Variants in ZFPM1 observed in about 807,000 individuals in gnomAD.
ZFPM1 encodes zinc finger protein, FOG family member 1.
Under a neutral mutation model 46.3 loss-of-function variants are expected in ZFPM1, and 28 were observed. The ratio of observed to expected loss-of-function variants is 0.60; its 90% CI spans 0.45 to 0.83. The LOEUF (loss-of-function observed/expected upper bound fraction) is 0.83, where lower values mean the gene tolerates loss of function less well. Among genes scored for constraint, ZFPM1 ranks in the 40% least tolerant of loss-of-function variants. ZFPM1 has a pLI of 0.00. For synonymous variants in ZFPM1, 957 were observed against 675.9 expected, an observed-to-expected ratio of 1.42 and a Z score of -6.45; for missense variants, 1,878 against 1,432.4, an observed-to-expected ratio of 1.31 and a Z score of -5.02.
At chr16:88,460,046 G>T (rs1029151499) in intron 1 of ZFPM1, among the ~76,000 whole-genome samples, 6 of 151,772 alleles carry the variant, frequency 4.0e-5, no homozygotes, top group African/African-American at 1.5e-4. Context: ...TCCCTCCAGC[G>T]CATCCCGACT....
chr16:88,534,918 C>T lies in ZFPM1; in HGVS notation c.2960C>T (p.Ser987Phe), dbSNP rs1444986795. The change falls in exon 10 of 10, where the codon TCC (serine) becomes TTC (phenylalanine). Residue 987 changes from serine to phenylalanine, a missense_variant. Ser to Phe is a radical substitution (Grantham distance 155, BLOSUM62 -2). Coordinates refer to ENST00000319555, the MANE Select transcript of ZFPM1 (RefSeq NM_153813.3). ...RLCNIKFSSL[S>F]TFIAHKKYYC... ...TGCAACATCAAGTTCAGCAGCCTGTCCACCTTCATCGCCCACAAGAAGTAT... is the reference window on the plus strand; with the variant it reads ...TGCAACATCAAGTTCAGCAGCCTGTTCACCTTCATCGCCCACAAGAAGTAT... 1.3e-6 allele frequency: 2 copies of T among 1,553,466 alleles called. No individual in the cohort carries two copies. Among genetic ancestry groups the T allele is most frequent in the Admixed American group, 1.9e-5 (1 of 52,604 alleles).
intron 1 of ZFPM1, among the ~76,000 whole-genome samples, chr16:88,485,074 C>T (rs138958592): frequency 9.2e-5 from 14 of 152,320 alleles, no homozygotes; most frequent in Non-Finnish European, 1.9e-4. Context: ...CCAGGGAGTT[C>T]CCAGACCGAG....
At chr16:88,463,311 C>T (rs1907983416) in intron 1 of ZFPM1, among the ~76,000 whole-genome samples, 1 of 152,206 alleles carries the variant, frequency 6.6e-6, no homozygotes, top group African/African-American at 2.4e-5. Context: ...CTGCAGCTGC[C>T]CCCTCAGCCT....
At chr16:88,508,426 A>C (rs377745136) in intron 3 of ZFPM1, among the ~76,000 whole-genome samples, 21 of 152,358 alleles carry the variant, frequency 1.4e-4, no homozygotes, top group African/African-American at 4.3e-4. Flanking sequence ...ACATCCACAC[A>C]GGACCACCCT....
At chr16:88,523,582 G>A (rs564956261) in intron 4 of ZFPM1, among the ~76,000 whole-genome samples, 2 of 152,346 alleles carry the variant, frequency 1.3e-5, no homozygotes, top group African/African-American at 2.4e-5. Flanking sequence ...GGCCCCAGGC[G>A]AGGCTGTGCT....
At chr16:88,526,101 G>A (rs559131898) in intron 4 of ZFPM1, among the ~76,000 whole-genome samples, 2 of 152,316 alleles carry the variant, frequency 1.3e-5, no homozygotes, top group South Asian at 2.1e-4. Context: ...GGTGTCTCAG[G>A]CCCACAGGAA....
At chr16:88,528,353 A>G (rs1330911034) in intron 6 of ZFPM1, 115 bp downstream of exon 6, 9 of 1,199,364 alleles carry the variant, frequency 7.5e-6, no homozygotes, top group East Asian at 2.6e-5. Context: ...CTGCCGACAG[A>G]GTGAGAGGTA....
At chr16:88,490,085 A>G (rs1336519604) in intron 3 of ZFPM1, among the ~76,000 whole-genome samples, 1 of 148,160 alleles carries the variant, frequency 6.7e-6, no homozygotes, top group Non-Finnish European at 1.5e-5. Flanking sequence ...ATGGAGTCTC[A>G]CTCTGTCGCC....
chr16:88,517,220 GGA>G (rs1911373032), intron 4 of ZFPM1, among the ~76,000 whole-genome samples: 14 of 134,174 alleles, frequency 1.0e-4, no homozygotes, highest in Admixed American at 2.2e-4. Context: ...ATGGATGGAT[GGA>G]TGGATGGGTG....
rs559054433 is a variant in ZFPM1, at chr16:88,529,684, C to T, written c.712+1446C>T. ...ATAGGTTAGAGGGGGTCCTGGAGGG[C>T]GGCAGGTGGTCTGGCACATCCAGGC... On this transcript the variant is annotated intron_variant, in intron 6 of 9. Transcript: ENST00000319555. 4.6e-5 allele frequency among the ~76,000 whole-genome samples: 7 copies of T among 152,252 alleles called. No individual in the cohort carries two copies. The East Asian group carries it at 1.4e-3, about 29-fold the overall frequency.
chr16:88,516,082 A>G (rs1911277612), intron 4 of ZFPM1: 1 of 398,336 alleles, frequency 2.5e-6, no homozygotes, highest in South Asian at 1.3e-4. Context: ...CCCGCACCCT[A>G]CGAGGAGGGT....
chr16:88,526,798 T>A lies in ZFPM1; in HGVS notation c.403-16T>A, dbSNP rs748121634. On this transcript the variant is annotated splice_polypyrimidine_tract_variant and intron_variant, in intron 4 of 9. Transcript: ENST00000319555. ...TGACGGACCCCTCCCCACGTGTTCC[T>A]ACCCTCCCCCCCCAGAGCCCAGCCC... The A allele has an allele frequency of 6.5e-6, 9 of 1,381,804 alleles. No individual in the cohort carries two copies. The highest frequency in any genetic ancestry group is 6.4e-5 in the South Asian group (5 of 78,104). The allele number at this position is 1,381,804 out of a possible 1,614,324, so 85.6% of individuals were successfully genotyped here.
At chr16:88,521,768 T>A (rs1307512780) in intron 4 of ZFPM1, among the ~76,000 whole-genome samples, 2 of 129,700 alleles carry the variant, frequency 1.5e-5, no homozygotes, top group African/African-American at 6.4e-5. Context: ...CCCTCCCCTG[T>A]GCTGTTCCCA....
chr16:88,530,073 C>G (rs2142485151), intron 6 of ZFPM1, among the ~76,000 whole-genome samples: 1 of 152,284 alleles, frequency 6.6e-6, no homozygotes, highest in East Asian at 1.9e-4. Context: ...GCCTTCTCCT[C>G]TTCCCTGAAG....
chr16:88,506,539 G>A (rs531144307), intron 3 of ZFPM1, among the ~76,000 whole-genome samples: 36 of 152,298 alleles, frequency 2.4e-4, no homozygotes, highest in Admixed American at 8.5e-4. Flanking sequence ...CTGAGTGTGC[G>A]TCCGCAGAGT....
In ZFPM1 at chr16:88,517,218, ATGGATGGATGGGTGGGTGGG is replaced by A. The variant is rs1364329640; in HGVS notation, c.402+2702_402+2721del. On this transcript the variant is annotated intron_variant, in intron 4 of 9. Transcript: ENST00000319555. ...GATGGATGGATGGATGGATGGATGG[ATGGATGGATGGGTGGGTGGG>A]TGGGTGGATGGATGGATGGATGGAT... 4.1e-3 allele frequency among the ~76,000 whole-genome samples: 406 copies of A among 98,368 alleles called. 1 individual carries two copies. Among genetic ancestry groups the A allele is most frequent in the African/African-American group, 0.014 (387 of 27,862 alleles). The allele number at this position is 98,368 out of a possible 152,430, so 64.5% of individuals were successfully genotyped here.
intron 2 of ZFPM1, 57 bp from the exon 3 acceptor site, chr16:88,488,974 G>C: frequency 6.4e-7 from 1 of 1,566,276 alleles, no homozygotes; most frequent in Non-Finnish European, 8.7e-7. Flanking sequence ...GCTACAGGGA[G>C]GGGCAGCTCA....
In ZFPM1 at chr16:88,533,424, C is replaced by T. The variant is rs1912969906; in HGVS notation, c.1466C>T (p.Thr489Met). 1.4e-6 allele frequency: 2 copies of T among 1,473,666 alleles called. No individual in the cohort carries two copies. The highest frequency in any genetic ancestry group is 1.8e-6 in the Non-Finnish European group (2 of 1,122,328). The allele number at this position is 1,473,666 out of a possible 1,614,324, so 91.3% of individuals were successfully genotyped here. A position where few individuals can be genotyped will look rare whatever the true frequency, so the allele number is the denominator to read the frequency against. ...CCTGGGCCCCAGGCCCCGTCGCGGA[C>T]GCCGTCGCCGCGCAGCCCCGCCCCG... ...GEPGPQAPSRTPSPRSPAPAR... is the reference protein window; with the variant it reads ...GEPGPQAPSRMPSPRSPAPAR... Residue 489 changes from threonine to methionine, a missense_variant, in exon 10 of 10, where the codon ACG becomes ATG. By Grantham distance (81) the Thr-to-Met change is moderately conservative (BLOSUM62 -1). Transcript: ENST00000319555.
intron 4 of ZFPM1, chr16:88,516,170 C>T (rs757666032): frequency 5.0e-6 from 2 of 398,692 alleles, no homozygotes; most frequent in Non-Finnish European, 8.8e-6. Context: ...CAGGATCAAA[C>T]AGCAGAGGGA....
Sources: allele counts gnomAD v4.1 joint callset (sites outside exome capture counted in the v4.1 genomes callset), GRCh38; gene constraint gnomAD v4.1.1; transcripts MANE v1.5; gene names NCBI Gene and HGNC (gene_info 2026-07-23, HGNC 2026-07-21).